SLC71A2: variants seen among roughly 807,000 people sequenced by gnomAD.
The protein encoded by SLC71A2 is solute carrier family 71 member 2, also known as hippocampus abundant transcript-like 1.
chr9:94,455,808 G>T, the SLC71A2 span, among the ~76,000 whole-genome samples: 3 of 152,304 alleles, frequency 2.0e-5, no homozygotes, highest in South Asian at 6.2e-4. Flanking sequence ...TGCTCTCTCT[G>T]TTGAGGGGTA....
At chr9:94,398,317 G>A in the SLC71A2 span, among the ~76,000 whole-genome samples, 1 of 150,630 alleles carries the variant, frequency 6.6e-6, no homozygotes, top group Non-Finnish European at 1.5e-5. Flanking sequence ...GAACTGGGGA[G>A]GAAGAAAGTT....
chr9:94,388,423 A>G, the SLC71A2 span, among the ~76,000 whole-genome samples: 1 of 152,224 alleles, frequency 6.6e-6, no homozygotes, highest in African/African-American at 2.4e-5. Flanking sequence ...ACTGTAAGGC[A>G]CTATTGGGAC....
the SLC71A2 span, among the ~76,000 whole-genome samples, chr9:94,437,530 T>C: frequency 6.6e-6 from 1 of 152,248 alleles, no homozygotes; most frequent in African/African-American, 2.4e-5. Flanking sequence ...CAGGTTGGAT[T>C]ATCTCCTTCT....
the SLC71A2 span, among the ~76,000 whole-genome samples, chr9:94,388,732 A>C: frequency 6.6e-6 from 1 of 152,042 alleles, no homozygotes; most frequent in African/African-American, 2.4e-5. Flanking sequence ...CATTGCTGAT[A>C]TTGAGATTTT....
At chr9:94,382,477 A>G in the SLC71A2 span, among the ~76,000 whole-genome samples, 1 of 151,986 alleles carries the variant, frequency 6.6e-6, no homozygotes, top group Non-Finnish European at 1.5e-5. Flanking sequence ...TCCCTCGTCA[A>G]ATGATTTGCA....
the SLC71A2 span, among the ~76,000 whole-genome samples, chr9:94,388,181 G>T: frequency 1.3e-5 from 2 of 152,150 alleles, no homozygotes; most frequent in African/African-American, 4.8e-5. Context: ...TAGTCAGCCA[G>T]ATACATGTGA....
the SLC71A2 span, among the ~76,000 whole-genome samples, chr9:94,386,964 A>G: frequency 6.6e-6 from 1 of 151,996 alleles, no homozygotes; most frequent in Non-Finnish European, 1.5e-5. Flanking sequence ...TTAATTTTAC[A>G]TTAACAGTTG....
At chr9:94,436,149 T>C in the SLC71A2 span, among the ~76,000 whole-genome samples, 1 of 152,236 alleles carries the variant, frequency 6.6e-6, no homozygotes, top group East Asian at 1.9e-4. Context: ...TGTGTTCTTA[T>C]TTTTAATTGT....
the SLC71A2 span, among the ~76,000 whole-genome samples, chr9:94,452,631 A>T: frequency 9.8e-4 from 91 of 93,272 alleles, no homozygotes; most frequent in African/African-American, 2.4e-3. Flanking sequence ...ATATATATAT[A>T]TTTTCATATA....
the SLC71A2 span, among the ~76,000 whole-genome samples, chr9:94,443,059 C>T: frequency 6.6e-6 from 1 of 152,096 alleles, no homozygotes; most frequent in Non-Finnish European, 1.5e-5. Context: ...TTTTGTTTCT[C>T]GCTTTCAGCT....
the SLC71A2 span, chr9:94,460,676 GTTTTAA>G: frequency 1.0e-5 from 1 of 99,978 alleles, no homozygotes; most frequent in Non-Finnish European, 2.1e-5. Context: ...TTTGTAAAGG[GTTTTAA>G]TTTTTTTTTT....
At chr9:94,444,540 G>A in the SLC71A2 span, among the ~76,000 whole-genome samples, 1 of 152,210 alleles carries the variant, frequency 6.6e-6, no homozygotes. Flanking sequence ...TACTTGAGTA[G>A]TTTGTAAGTT....
At chr9:94,386,937 T>C in the SLC71A2 span, among the ~76,000 whole-genome samples, 99 of 152,320 alleles carry the variant, frequency 6.5e-4, no homozygotes, top group Non-Finnish European at 9.6e-4. Context: ...GACTTTTTTT[T>C]CTACTATCCA....
chr9:94,436,716 T>C, the SLC71A2 span, among the ~76,000 whole-genome samples: 4 of 152,124 alleles, frequency 2.6e-5, no homozygotes, highest in African/African-American at 9.7e-5. Flanking sequence ...TTTACCTATG[T>C]CTGCTGTCCT....
chr9:94,438,321 A>G, the SLC71A2 span: 1 of 1,516,302 alleles, frequency 6.6e-7, no homozygotes, highest in South Asian at 1.2e-5. Flanking sequence ...AATTAGAGCT[A>G]ATGCATTTAG....
the SLC71A2 span, among the ~76,000 whole-genome samples, chr9:94,407,628 C>T: frequency 6.6e-6 from 1 of 152,062 alleles, no homozygotes; most frequent in African/African-American, 2.4e-5. Flanking sequence ...CCACCCGCCT[C>T]GGCCTCCCAA....
the SLC71A2 span, among the ~76,000 whole-genome samples, chr9:94,397,595 C>T: frequency 6.6e-6 from 1 of 152,098 alleles, no homozygotes; most frequent in Non-Finnish European, 1.5e-5. Context: ...TTTTCTGTTC[C>T]AGTATCTCAT....
At chr9:94,403,818 C>A in the SLC71A2 span, among the ~76,000 whole-genome samples, 1 of 152,128 alleles carries the variant, frequency 6.6e-6, no homozygotes, top group Non-Finnish European at 1.5e-5. Context: ...TTCTTCATGT[C>A]CTTGCCAGCA....
the SLC71A2 span, among the ~76,000 whole-genome samples, chr9:94,428,315 C>T: frequency 1.4e-5 from 2 of 147,588 alleles, no homozygotes; most frequent in African/African-American, 5.1e-5. Context: ...TTTCTTATAA[C>T]TTTGGTATTT....
Sources: gnomAD v4.1 joint callset for allele counts (sites outside exome capture counted in the v4.1 genomes callset) on GRCh38, gnomAD v4.1.1 for gene constraint, MANE v1.5 for transcripts, NCBI Gene and HGNC (gene_info 2026-07-23, HGNC 2026-07-21) for gene names.